Variants in SLCO5A1 observed in about 807,000 individuals in gnomAD.
The protein encoded by SLCO5A1 is organic anion transporter polypeptide-related protein 4.
In SLCO5A1, 39 loss-of-function variants were observed where a neutral mutation model predicts 65.1. That is an observed-to-expected ratio of 0.60 (90% CI 0.46 to 0.78). The LOEUF (loss-of-function observed/expected upper bound fraction) is 0.78. Among genes scored for constraint, SLCO5A1 ranks in the 30% least tolerant of loss-of-function variants. The probability of loss-of-function intolerance (pLI) is 0.00; values close to 1 mark genes in which losing one functional copy is unlikely to be tolerated. For synonymous variants in SLCO5A1, 438 were observed against 415.7 expected, an observed-to-expected ratio of 1.05 and a Z score of -0.65; for missense variants, 1,029 against 1,069.4, an observed-to-expected ratio of 0.96 and a Z score of 0.53.
intron 5 of SLCO5A1, 62 bp downstream of exon 5, chr8:69,737,978 C>A (rs1341574030): frequency 6.4e-7 from 1 of 1,550,804 alleles, no homozygotes; most frequent in Non-Finnish European, 8.8e-7. Flanking sequence ...TTTCTCTTTA[C>A]CCATTCCATT....
chr8:69,832,124 A>ACAC lies in SLCO5A1; in HGVS notation c.547_549dup (p.Val183dup), dbSNP rs770596818. 2 of 1,614,166 alleles carry ACAC rather than the reference A, an allele frequency of 1.2e-6. No individual in the cohort carries two copies. Among genetic ancestry groups the ACAC allele is most frequent in the South Asian group, 1.1e-5 (1 of 91,082 alleles). Reference sequence around the variant, plus strand: ...CCCCGGCCGCCGAAGTAGCTGACGAACACCACCACCACCAGGTTCCCGATG... The same window carrying ACAC: ...CCCCGGCCGCCGAAGTAGCTGACGAACACCACCACCACCACCAGGTTCCCGATG... On this transcript the variant is annotated inframe_insertion, in exon 2 of 10. Coordinates refer to ENST00000260126, the MANE Select transcript of SLCO5A1 (RefSeq NM_030958.3). This position sits in a 1 kb window ranked among gnomAD's most constrained non-coding sequence, Gnocchi z 4.5.
intron 4 of SLCO5A1, among the ~76,000 whole-genome samples, chr8:69,739,954 T>C (rs1297353106): frequency 1.3e-5 from 2 of 152,194 alleles, no homozygotes; most frequent in Admixed American, 6.5e-5. Context: ...GGGAGAAATA[T>C]AAAATAAATT....
intron 2 of SLCO5A1, among the ~76,000 whole-genome samples, chr8:69,796,648 A>T (rs1420943346): frequency 1.3e-5 from 2 of 151,264 alleles, no homozygotes; most frequent in Non-Finnish European, 2.9e-5. Flanking sequence ...ATACACACAC[A>T]CATATATACA....
chr8:69,764,757 A>T (rs1419157429), intron 2 of SLCO5A1, among the ~76,000 whole-genome samples: 2 of 152,216 alleles, frequency 1.3e-5, no homozygotes, highest in Admixed American at 1.3e-4. Flanking sequence ...CGGCATCATT[A>T]ACAACTTAAA....
intron 2 of SLCO5A1, among the ~76,000 whole-genome samples, chr8:69,825,818 C>A (rs1192620892): frequency 8.5e-4 from 126 of 148,028 alleles, no homozygotes; most frequent in Middle Eastern, 3.2e-3. Flanking sequence ...GCCCACATTG[C>A]CAAGTCAATC....
Position 69,705,036 on chromosome 8 carries a change from T to G in SLCO5A1, c.1617A>C (p.Thr539=). 1 of 1,611,230 alleles carries G rather than the reference T, an allele frequency of 6.2e-7. No individual in the cohort carries two copies. Among genetic ancestry groups the G allele is most frequent in the Non-Finnish European group, 8.5e-7 (1 of 1,179,884 alleles). Residue 539 remains threonine, a synonymous_variant, in exon 6 of 10, where the codon ACA becomes ACC. Transcript: ENST00000260126. ...GGCTCTTAAGAGGTACTTACCCTGTTGTATAAGGGATGTTTATGCCCCCTA... is the reference window on the plus strand; with the variant it reads ...GGCTCTTAAGAGGTACTTACCCTGTGGTATAAGGGATGTTTATGCCCCCTA... ...INLGGINIPY[T]TGPSLTMPHR...
intron 2 of SLCO5A1, among the ~76,000 whole-genome samples, chr8:69,781,316 C>T (rs184037621): frequency 6.6e-6 from 1 of 152,334 alleles, no homozygotes; most frequent in Admixed American, 6.5e-5. Context: ...CATGGCCATC[C>T]ATTGGATTTT....
chr8:69,772,245 A>G (rs1483107019), intron 2 of SLCO5A1, among the ~76,000 whole-genome samples: 1 of 152,134 alleles, frequency 6.6e-6, no homozygotes, highest in Non-Finnish European at 1.5e-5. Flanking sequence ...CCTGAATCAC[A>G]AGAAATAATT....
intron 5 of SLCO5A1, among the ~76,000 whole-genome samples, chr8:69,711,760 T>C (rs1815275648): frequency 6.6e-6 from 1 of 152,186 alleles, no homozygotes; most frequent in South Asian, 2.1e-4. Context: ...ATTATAATAG[T>C]ATATTCTTCA....
At chr8:69,712,815 A>G (rs1455435815) in intron 5 of SLCO5A1, among the ~76,000 whole-genome samples, 1 of 152,210 alleles carries the variant, frequency 6.6e-6, no homozygotes, top group Non-Finnish European at 1.5e-5. Context: ...TGAACTTATT[A>G]TATAAAATCT....
intron 5 of SLCO5A1, among the ~76,000 whole-genome samples, chr8:69,718,806 C>T (rs1425835019): frequency 6.6e-6 from 1 of 151,980 alleles, no homozygotes; most frequent in Non-Finnish European, 1.5e-5. Context: ...TACAATCTAA[C>T]GTGGGAAACA....
At chr8:69,830,919 GC>G (rs1821124520) in intron 2 of SLCO5A1, among the ~76,000 whole-genome samples, 1 of 152,182 alleles carries the variant, frequency 6.6e-6, no homozygotes, top group Admixed American at 6.5e-5. Context: ...CTGTGGTGTT[GC>G]TTCTTCATAA....
chr8:69,702,027 A>C (rs764338582), intron 6 of SLCO5A1, among the ~76,000 whole-genome samples: 1 of 152,258 alleles, frequency 6.6e-6, no homozygotes, highest in African/African-American at 2.4e-5. Context: ...TGAAAAATAC[A>C]GAGTCACATT....
intron 2 of SLCO5A1, among the ~76,000 whole-genome samples, chr8:69,773,131 C>T (rs1244774874): frequency 6.6e-6 from 1 of 152,176 alleles, no homozygotes; most frequent in Non-Finnish European, 1.5e-5. Context: ...TGGCCACACT[C>T]AGGGAGAGGC....
intron 6 of SLCO5A1, among the ~76,000 whole-genome samples, chr8:69,694,261 AT>A (rs1814400721): frequency 6.6e-6 from 1 of 152,214 alleles, no homozygotes; most frequent in African/African-American, 2.4e-5. Context: ...TTATTAACTG[AT>A]GAGTTTGGAT....
chr8:69,703,110 C>CAA (rs34113730), intron 6 of SLCO5A1, among the ~76,000 whole-genome samples: 24 of 82,868 alleles, frequency 2.9e-4, no homozygotes, highest in African/African-American at 8.9e-4. Flanking sequence ...GACTCTGTTT[C>CAA]AAAAAAAAAA....
At chr8:69,798,096 G>A (rs1181768138) in intron 2 of SLCO5A1, among the ~76,000 whole-genome samples, 1 of 152,096 alleles carries the variant, frequency 6.6e-6, no homozygotes, top group Non-Finnish European at 1.5e-5. Flanking sequence ...CGACACTTAG[G>A]GAAAATAGAA....
At chr8:69,770,523 G>A (rs896311297) in intron 2 of SLCO5A1, among the ~76,000 whole-genome samples, 8 of 151,848 alleles carry the variant, frequency 5.3e-5, no homozygotes, top group East Asian at 1.9e-4. Context: ...ATACACACCC[G>A]CCCCTGTCGC....
At chr8:69,739,258 A>C (rs1438150005) in intron 4 of SLCO5A1, among the ~76,000 whole-genome samples, 1 of 152,204 alleles carries the variant, frequency 6.6e-6, no homozygotes, top group Non-Finnish European at 1.5e-5. Context: ...GCCTCTTGTA[A>C]ACACTGTAAA....
Sources: allele counts gnomAD v4.1 joint callset (sites outside exome capture counted in the v4.1 genomes callset), GRCh38; gene constraint gnomAD v4.1.1; non-coding constraint Gnocchi (gnomAD v3.1); transcripts MANE v1.5; gene names NCBI Gene and HGNC (gene_info 2026-07-23, HGNC 2026-07-21).